SVOP: variants seen among roughly 807,000 people sequenced by gnomAD.
The protein encoded by SVOP is SV2 related protein.
In SVOP, 17 loss-of-function variants were observed where a neutral mutation model predicts 69.1. That is an observed-to-expected ratio of 0.25 (90% CI 0.17 to 0.37). The LOEUF is 0.37. Among genes scored for constraint, SVOP ranks in the 10% least tolerant of loss-of-function variants. The pLI is 1.00. For missense variants in SVOP, 435 were observed against 597.5 expected (o/e 0.73, Z 2.84); for synonymous variants, 238 against 238.6 (o/e 1.00, Z 0.02).
chr12:108,959,898 C>T (rs2040007783), intron 6 of SVOP, among the ~76,000 whole-genome samples: 1 of 152,206 alleles, frequency 6.6e-6, no homozygotes, highest in Admixed American at 6.5e-5. Flanking sequence ...AGCTCCTCCA[C>T]CACTTCCTGG....
intron 1 of SVOP, among the ~76,000 whole-genome samples, chr12:109,014,639 A>G (rs892455669): frequency 1.3e-5 from 2 of 152,154 alleles, no homozygotes; most frequent in Admixed American, 6.6e-5. Flanking sequence ...TGATGGCTAC[A>G]CTATTTTATA....
At chr12:109,018,485 C>T (rs1209549546) in intron 1 of SVOP, among the ~76,000 whole-genome samples, 1 of 152,126 alleles carries the variant, frequency 6.6e-6, no homozygotes, top group Non-Finnish European at 1.5e-5. Flanking sequence ...GAGCCTATTC[C>T]AAAGTCCACT....
At chr12:108,940,074 G>A (rs1475510771) in intron 8 of SVOP, among the ~76,000 whole-genome samples, 1 of 152,170 alleles carries the variant, frequency 6.6e-6, no homozygotes, top group African/African-American at 2.4e-5. Flanking sequence ...TCAGCAGCTG[G>A]TATCACCCTG....
chr12:108,958,123 T>C (rs1161065941), intron 6 of SVOP, among the ~76,000 whole-genome samples: 1 of 152,182 alleles, frequency 6.6e-6, no homozygotes, highest in Non-Finnish European at 1.5e-5. Flanking sequence ...TACTGCTTCG[T>C]GCAGAGCAGG....
In SVOP at chr12:108,910,633, G is replaced by A. The variant is rs1470048250; in HGVS notation, c.*1902C>T. The stretch of plus-strand genomic sequence containing the variant: ...GCCCACATTTTAGAGACACAGTATT[G>A]TTTGCAGTTGATTTAGAACTTGAGC... On this transcript the variant is annotated 3_prime_UTR_variant, in exon 16 of 16. Coordinates refer to ENST00000610966, the MANE Select transcript of SVOP (RefSeq NM_018711.5). The A allele has an allele frequency of 2.0e-5, 3 of 152,238 alleles. No individual in the cohort carries two copies. The highest frequency in any genetic ancestry group is 6.5e-5 in the Admixed American group (1 of 15,286). The allele number at this position is 152,238 out of a possible 1,614,324, so 9.4% of individuals were successfully genotyped here. A position where few individuals can be genotyped will look rare whatever the true frequency, so the allele number is the denominator to read the frequency against.
chr12:108,931,887 G>C (rs1291553318), intron 11 of SVOP, among the ~76,000 whole-genome samples: 1 of 152,002 alleles, frequency 6.6e-6, no homozygotes, highest in Non-Finnish European at 1.5e-5. Flanking sequence ...CCGTGGTGGA[G>C]AGCCAACTTG....
intron 1 of SVOP, among the ~76,000 whole-genome samples, chr12:108,989,440 C>CAGGAGGAAGT (rs1480874063): frequency 6.6e-6 from 1 of 152,094 alleles, no homozygotes; most frequent in African/African-American, 2.4e-5. Context: ...CACTGGAAAG[C>CAGGAGGAAGT]AGGAGGAAGC....
At chr12:108,955,598 A>G (rs1419170476) in intron 6 of SVOP, among the ~76,000 whole-genome samples, 2 of 152,230 alleles carry the variant, frequency 1.3e-5, no homozygotes, top group African/African-American at 2.4e-5. Context: ...CAGCCTCCCA[A>G]GTGGCAGGAG....
intron 6 of SVOP, among the ~76,000 whole-genome samples, chr12:108,950,796 C>G (rs1473924300): frequency 6.6e-6 from 1 of 152,170 alleles, no homozygotes; most frequent in East Asian, 1.9e-4. Flanking sequence ...TTGCTTTTGC[C>G]ACCTGTGCCA....
intron 10 of SVOP, among the ~76,000 whole-genome samples, chr12:108,935,073 A>G (rs759392900): frequency 2.0e-5 from 3 of 152,206 alleles, no homozygotes; most frequent in Non-Finnish European, 4.4e-5. Context: ...TACAAGAGAC[A>G]CAACACCTCC....
At chr12:108,934,411 G>C in intron 10 of SVOP, 140 bp from the exon 11 acceptor site, 1 of 635,770 alleles carries the variant, frequency 1.6e-6, no homozygotes, top group Non-Finnish European at 2.7e-6. Flanking sequence ...GGCTTTACTG[G>C]GGACCTTGAG....
At chr12:108,988,993 G>A (rs554052531) in intron 1 of SVOP, among the ~76,000 whole-genome samples, 2 of 151,842 alleles carry the variant, frequency 1.3e-5, no homozygotes, top group African/African-American at 2.4e-5. Context: ...GGCTGATCTC[G>A]AACTCCTGAC....
At chr12:109,016,834 C>T (rs992938335) in intron 1 of SVOP, among the ~76,000 whole-genome samples, 2 of 151,778 alleles carry the variant, frequency 1.3e-5, no homozygotes, top group African/African-American at 2.4e-5. Context: ...CCTTGAACCC[C>T]CAGGCTCAAG....
intron 1 of SVOP, 77 bp from the exon 2 acceptor site, chr12:108,983,838 G>A (rs1046257044): frequency 0.31 from 124,746 of 398,358 alleles, 20,390 homozygotes; most frequent in African/African-American, 0.45. Context: ...CTAGTGACCA[G>A]GACAGGTGAA....
intron 7 of SVOP, among the ~76,000 whole-genome samples, chr12:108,941,184 C>A (rs534255979): frequency 6.6e-6 from 1 of 152,230 alleles, no homozygotes; most frequent in South Asian, 2.1e-4. Flanking sequence ...TCAATGTGAC[C>A]AATATTACGT....
chr12:108,996,548 C>A (rs1353608258), intron 1 of SVOP, among the ~76,000 whole-genome samples: 1 of 151,756 alleles, frequency 6.6e-6, no homozygotes, highest in African/African-American at 2.4e-5. Context: ...GAGCAAGACT[C>A]CATCGAAAAA....
intron 6 of SVOP, among the ~76,000 whole-genome samples, chr12:108,955,819 G>A (rs964549926): frequency 6.6e-6 from 1 of 152,206 alleles, no homozygotes; most frequent in Non-Finnish European, 1.5e-5. Flanking sequence ...TTTACAGAAT[G>A]TTGTCATTTA....
chr12:108,945,283 A>G, intron 6 of SVOP, 117 bp from the exon 7 acceptor site: 3 of 920,562 alleles, frequency 3.3e-6, no homozygotes, highest in Non-Finnish European at 5.0e-6. Flanking sequence ...AACCACTTAC[A>G]TCAGAATTTC....
At chr12:108,956,404 T>G (rs771300019) in intron 6 of SVOP, among the ~76,000 whole-genome samples, 4 of 152,108 alleles carry the variant, frequency 2.6e-5, no homozygotes, top group Non-Finnish European at 4.4e-5. Flanking sequence ...CCTGACCTAT[T>G]ACCCCTGAGG....
Sources: allele counts gnomAD v4.1 joint callset (sites outside exome capture counted in the v4.1 genomes callset), GRCh38; gene constraint gnomAD v4.1.1; transcripts MANE v1.5; gene names NCBI Gene and HGNC (gene_info 2026-07-23, HGNC 2026-07-21).